CA4: variants seen among roughly 807,000 people sequenced by gnomAD.
The protein encoded by CA4 is carbonic anhydrase 4.
CA4 carries 24 observed loss-of-function variants against 34.5 expected under a neutral mutation model. The observed-to-expected ratio is 0.70, with a 90% CI of 0.50 to 0.98. The LOEUF is 0.98. CA4 is among the 50% of genes least tolerant of loss of function. The pLI is 0.00. For synonymous variants in CA4, 178 were observed against 170.6 expected (o/e 1.04, Z -0.34); for missense variants, 394 against 396.7 (o/e 0.99, Z 0.06).
downstream of CA4, among the ~76,000 whole-genome samples, chr17:60,171,472 T>C (rs1261948818): frequency 1.3e-5 from 2 of 152,182 alleles, no homozygotes; most frequent in East Asian, 1.9e-4. Flanking sequence ...GTATACTGAG[T>C]AGCAAAATGG....
chr17:60,172,447 T>A (rs191508567), downstream of CA4, among the ~76,000 whole-genome samples: 19 of 152,316 alleles, frequency 1.2e-4, no homozygotes, highest in East Asian at 3.5e-3. Flanking sequence ...TGGTAAGGTC[T>A]AAAGTTTGTT....
chr17:60,150,566 G>T (rs1296047967), intron 1 of CA4, among the ~76,000 whole-genome samples: 2 of 149,254 alleles, frequency 1.3e-5, no homozygotes, highest in Non-Finnish European at 3.0e-5. Context: ...CCAGCTACTC[G>T]GGAGGCTGAG....
chr17:60,162,646 G>A (rs1253693665), downstream of CA4, among the ~76,000 whole-genome samples: 2 of 151,898 alleles, frequency 1.3e-5, no homozygotes, highest in African/African-American at 4.8e-5. Flanking sequence ...CAGGCTGATG[G>A]TTTTGCCTGC....
chr17:60,155,251 T>A (rs1456141381), intron 1 of CA4, 63 bp from the exon 2 acceptor site: 1 of 1,495,448 alleles, frequency 6.7e-7, no homozygotes, highest in African/African-American at 1.4e-5. Flanking sequence ...CCTCTGATCC[T>A]CCTGTGTGTG....
intron 3 of CA4, among the ~76,000 whole-genome samples, chr17:60,157,180 G>A (rs2083702389): frequency 6.6e-6 from 1 of 152,246 alleles, no homozygotes; most frequent in South Asian, 2.1e-4. Context: ...CCAGGACAGA[G>A]CTGCAGTTTG....
intron 1 of CA4, among the ~76,000 whole-genome samples, chr17:60,152,976 C>T (rs1039152343): frequency 2.6e-5 from 4 of 152,152 alleles, no homozygotes; most frequent in Non-Finnish European, 5.9e-5. Flanking sequence ...ACTACACAGA[C>T]CCAGACTTGG....
the CA4 span, among the ~76,000 whole-genome samples, chr17:60,176,736 C>A: frequency 5.3e-5 from 8 of 152,116 alleles, no homozygotes; most frequent in African/African-American, 1.9e-4. Context: ...TGGTTGCCAA[C>A]CTTTTTGGCA....
At chr17:60,175,189 A>ATTTT (rs555031745), downstream of CA4, among the ~76,000 whole-genome samples, 332 of 107,636 alleles carry the variant, frequency 3.1e-3, 11 homozygotes, top group African/African-American at 0.014. Context: ...CACCCAGCTG[A>ATTTT]TTTTTTTTTT....
chr17:60,173,499 G>C (rs990416809), downstream of CA4, among the ~76,000 whole-genome samples: 12 of 152,186 alleles, frequency 7.9e-5, no homozygotes, highest in African/African-American at 2.9e-4. Context: ...CTTCCCTTTT[G>C]CATTTCCCTG....
chr17:60,172,011 C>A (rs2083915344), downstream of CA4, among the ~76,000 whole-genome samples: 1 of 152,146 alleles, frequency 6.6e-6, no homozygotes, highest in Non-Finnish European at 1.5e-5. Context: ...GCTGCGGCAG[C>A]CTCTGATGAT....
chr17:60,168,160 G>T (rs1187317650), intron 5 of CA4, among the ~76,000 whole-genome samples: 2 of 145,022 alleles, frequency 1.4e-5, no homozygotes, highest in African/African-American at 2.5e-5. Context: ...GGCATAAGGA[G>T]AATGGAAGCC....
chr17:60,168,263 G>A (rs1479525283), intron 5 of CA4, among the ~76,000 whole-genome samples: 1 of 134,200 alleles, frequency 7.5e-6, no homozygotes, highest in African/African-American at 2.8e-5. Flanking sequence ...GAGGAGGTGG[G>A]GAAGGGTGAT....
chr17:60,162,378 C>T (rs2083801082), downstream of CA4, among the ~76,000 whole-genome samples: 1 of 152,144 alleles, frequency 6.6e-6, no homozygotes, highest in Non-Finnish European at 1.5e-5. Context: ...AGACCCCCAC[C>T]CTGGGGATGG....
chr17:60,159,341 G>A lies in CA4; in HGVS notation c.856G>A (p.Ala286Thr), dbSNP rs1355975130. 2 of 1,609,080 alleles carry A rather than the reference G, an allele frequency of 1.2e-6. No individual in the cohort carries two copies. Among genetic ancestry groups the A allele is most frequent in the Non-Finnish European group, 1.7e-6 (2 of 1,177,894 alleles). ...LGQRTVIKSG[A>T]PGRPLPWALP... ...GCAGCGCACGGTGATAAAGTCCGGG[G>A]CCCCGGGTCGGCCGCTGCCCTGGGC... The change falls in exon 8 of 8, where the codon GCC becomes ACC. Residue 286 changes from alanine to threonine, a missense_variant. Physicochemically the swap from Ala to Thr is moderately conservative, Grantham distance 58. Coordinates refer to ENST00000300900, the MANE Select transcript of CA4 (RefSeq NM_000717.5).
Position 60,170,251 on chromosome 17 carries a change from T to C in CA4, c.*179-300T>C, listed in dbSNP as rs561699787. ...CCCCAGTTTAAGGGAGAAGGCATTGTCCTCAGTGGATGAAGCATAGTCAGG... is the reference window on the plus strand; with the variant it reads ...CCCCAGTTTAAGGGAGAAGGCATTGCCCTCAGTGGATGAAGCATAGTCAGG... On this transcript the variant is annotated intron_variant and NMD_transcript_variant, in intron 5 of 5. Transcript: ENST00000586876. Among the ~76,000 whole-genome samples the C allele has an allele frequency of 6.6e-5, 10 of 152,304 alleles. No individual in the cohort carries two copies. In the South Asian group the frequency reaches 1.9e-3, roughly 28 times the overall value.
intron 1 of CA4, among the ~76,000 whole-genome samples, chr17:60,153,836 C>T (rs1041722134): frequency 4.6e-5 from 7 of 152,166 alleles, no homozygotes; most frequent in African/African-American, 1.4e-4. Context: ...GAGCCCTGCC[C>T]GGGGCTGGGG....
intron 5 of CA4, among the ~76,000 whole-genome samples, chr17:60,168,022 G>T (rs1474491382): frequency 1.3e-5 from 2 of 151,974 alleles, no homozygotes; most frequent in Non-Finnish European, 2.9e-5. Flanking sequence ...AGGGAATAGG[G>T]TTGGGTATGA....
chr17:60,154,836 G>A (rs369147730), intron 1 of CA4, among the ~76,000 whole-genome samples: 2 of 152,178 alleles, frequency 1.3e-5, no homozygotes, highest in African/African-American at 2.4e-5. Context: ...GGGAGGGGCC[G>A]CCTAATCTCC....
At chr17:60,165,461 A>G (rs2083845683) in intron 5 of CA4, among the ~76,000 whole-genome samples, 1 of 152,186 alleles carries the variant, frequency 6.6e-6, no homozygotes, top group Non-Finnish European at 1.5e-5. Flanking sequence ...TAGCAGGTGC[A>G]GAGTTCAGAG....
Sources: allele counts gnomAD v4.1 joint callset (sites outside exome capture counted in the v4.1 genomes callset), GRCh38; gene constraint gnomAD v4.1.1; transcripts MANE v1.5; gene names NCBI Gene and HGNC (gene_info 2026-07-23, HGNC 2026-07-21).